Variants in MEGF11 observed in about 807,000 individuals in gnomAD.
MEGF11 encodes multiple epidermal growth factor-like domains protein 11.
In MEGF11, 126 loss-of-function variants were observed where a neutral mutation model predicts 146.6. That is an observed-to-expected ratio of 0.86 (90% CI 0.74 to 1.00). The LOEUF is 1.00. MEGF11 is among the 50% of genes least tolerant of loss of function. The pLI, the probability that MEGF11 is intolerant of heterozygous loss-of-function variation, is 0.00. For synonymous variants in MEGF11, 532 were observed against 583.4 expected, an observed-to-expected ratio of 0.91 and a Z score of 1.27; for missense variants, 1,509 against 1,521.2, an observed-to-expected ratio of 0.99 and a Z score of 0.13.
rs1193655914 is a variant in MEGF11, at chr15:65,909,067, G to A, written c.2965C>T (p.His989Tyr). The A allele has an allele frequency of 6.5e-7, 1 of 1,535,762 alleles. No homozygotes were observed. Among genetic ancestry groups the A allele is most frequent in the South Asian group, 1.2e-5 (1 of 84,054 alleles). Residue 989 changes from histidine to tyrosine, a missense_variant, in exon 23 of 26, where the codon CAC becomes TAC. By Grantham distance (83) the His-to-Tyr change is moderately conservative (BLOSUM62 2). Transcript: ENST00000395614. ...PPEDFYIELRHLSRPAEPHSP... is the reference protein window; with the variant it reads ...PPEDFYIELRYLSRPAEPHSP... ...TGTGGCTCAGCGGGGCGGCTGAGGT[G>A]TCTAAGTTCAATGTAGAAGTCCTCG...
Position 65,898,076 on chromosome 15 carries a change from A to T in MEGF11, c.3281T>A (p.Val1094Asp). Residue 1094 changes from valine (V) to aspartate (D), a missense_variant, in exon 26 of 26, where the codon GTC becomes GAC. By Grantham distance (152) the Val-to-Asp change is radical (BLOSUM62 -3). Coordinates refer to ENST00000395614, the MANE Select transcript of MEGF11 (RefSeq NM_001385028.1). ...GGAGTTATGACCGCAACCTTCTTGG[A>T]CCACACTGACTGTGGGCTCTAAGAA... ...IYEVEPTVSV[V>D]QEGCGHNSSY... 1 of 1,613,730 alleles carries T rather than the reference A, an allele frequency of 6.2e-7. No individual in the cohort carries two copies. The highest frequency in any genetic ancestry group is 8.5e-7 in the Non-Finnish European group (1 of 1,179,748).
At chr15:66,072,634 A>C (rs2085416064) in intron 5 of MEGF11, among the ~76,000 whole-genome samples, 1 of 152,220 alleles carries the variant, frequency 6.6e-6, no homozygotes, top group African/African-American at 2.4e-5. Flanking sequence ...GAATGTAATC[A>C]GTGCTACAAG....
chr15:66,058,825 C>A (rs1475554497), intron 5 of MEGF11, among the ~76,000 whole-genome samples: 3 of 152,134 alleles, frequency 2.0e-5, no homozygotes, highest in Non-Finnish European at 4.4e-5. Flanking sequence ...AGCTGATACA[C>A]TTTGAGATGT....
intron 10 of MEGF11, among the ~76,000 whole-genome samples, chr15:65,942,702 G>T (rs535528202): frequency 2.0e-5 from 3 of 152,044 alleles, no homozygotes; most frequent in Non-Finnish European, 4.4e-5. Flanking sequence ...CTTCCCTGGC[G>T]CTGAGCCCTG....
chr15:66,135,149 GA>G lies in MEGF11; in HGVS notation c.-8-6739del, dbSNP rs556888084. Reference sequence around the variant, plus strand: ...TGGTTGGCCCAAGGTCTGGCACATAGATGGTACCCAATGAACTATTAGTTTC... The same window carrying G: ...TGGTTGGCCCAAGGTCTGGCACATAGTGGTACCCAATGAACTATTAGTTTC... On this transcript the variant is annotated intron_variant, in intron 1 of 25. Transcript: ENST00000395614. Among the ~76,000 whole-genome samples the G allele has an allele frequency of 2.9e-3, 440 of 152,298 alleles. 2 individuals are homozygous for G. The highest frequency in any genetic ancestry group is 1.0e-2 in the African/African-American group (414 of 41,562).
intron 5 of MEGF11, among the ~76,000 whole-genome samples, chr15:65,987,040 G>A (rs1276327220): frequency 6.6e-6 from 1 of 152,062 alleles, no homozygotes; most frequent in East Asian, 1.9e-4. Flanking sequence ...TCGAGGCTGG[G>A]CAACTCACCC....
intron 5 of MEGF11, among the ~76,000 whole-genome samples, chr15:65,995,807 C>G (rs556446393): frequency 3.3e-5 from 5 of 152,262 alleles, no homozygotes; most frequent in African/African-American, 1.2e-4. Context: ...CCACCAGCTG[C>G]CTGGTGGGTT....
chr15:66,196,328 C>T (rs777292529), intron 1 of MEGF11, among the ~76,000 whole-genome samples: 1 of 151,924 alleles, frequency 6.6e-6, no homozygotes, highest in African/African-American at 2.4e-5. Flanking sequence ...AAAAATTAGC[C>T]GGGCATGGTG....
At chr15:65,941,801 C>T (rs745952840) in intron 10 of MEGF11, among the ~76,000 whole-genome samples, 4 of 152,230 alleles carry the variant, frequency 2.6e-5, no homozygotes, top group Non-Finnish European at 2.9e-5. Context: ...GCATGATGGC[C>T]AGCCCCAGGA....
At chr15:66,126,024 G>A (rs1003021965) in intron 2 of MEGF11, among the ~76,000 whole-genome samples, 2 of 152,212 alleles carry the variant, frequency 1.3e-5, no homozygotes, top group African/African-American at 2.4e-5. Context: ...TCATGGCTGG[G>A]TGGCTTAACA....
chr15:65,957,632 T>A lies in MEGF11; in HGVS notation c.1202A>T (p.Asp401Val), dbSNP rs896307750. Residue 401 changes from aspartate (D) to valine (V), a missense_variant, in exon 10 of 26, where the codon GAT becomes GTT. Coordinates refer to ENST00000395614, the MANE Select transcript of MEGF11 (RefSeq NM_001385028.1). ...NESCPVGYYG[D>V]GCQLPCTCQN... ...ACAGGTGCAAGGCAGCTGGCAGCCA[T>A]CGCCATAGTAGCCAACAGGGCAGGA... 1.3e-5 allele frequency: 21 copies of A among 1,613,828 alleles called. No individual in the cohort carries two copies. Among genetic ancestry groups the A allele is most frequent in the Non-Finnish European group, 1.7e-5 (20 of 1,179,898 alleles).
intron 1 of MEGF11, among the ~76,000 whole-genome samples, chr15:66,160,664 G>GACACACACACAC (rs3221608): frequency 8.3e-4 from 114 of 137,604 alleles, no homozygotes; most frequent in African/African-American, 2.2e-3. Flanking sequence ...GCCCTAAGGG[G>GACACACACACAC]ACACACACAC....
intron 13 of MEGF11, among the ~76,000 whole-genome samples, chr15:65,926,477 A>T (rs2141280559): frequency 6.6e-6 from 1 of 152,386 alleles, no homozygotes. Flanking sequence ...CCTATGGCTT[A>T]TGAGGGTTAA....
intron 3 of MEGF11, among the ~76,000 whole-genome samples, chr15:66,123,322 A>G (rs191648582): frequency 2.3e-3 from 344 of 152,160 alleles, no homozygotes; most frequent in African/African-American, 8.0e-3. Context: ...TCTAGCCTGC[A>G]CTCTGTTCTT....
At chr15:65,948,425 C>G (rs555519350) in intron 10 of MEGF11, among the ~76,000 whole-genome samples, 1 of 152,262 alleles carries the variant, frequency 6.6e-6, no homozygotes, top group African/African-American at 2.4e-5. Flanking sequence ...CTGCATCTCG[C>G]TCAGTGCGCA....
intron 1 of MEGF11, among the ~76,000 whole-genome samples, chr15:66,204,091 A>AGT (rs1567282813): frequency 6.7e-6 from 1 of 150,086 alleles, no homozygotes; most frequent in Non-Finnish European, 1.5e-5. Flanking sequence ...AAAGGGGGAA[A>AGT]AAAAAAAAGG....
At chr15:66,118,956 T>C in intron 4 of MEGF11, 130 bp downstream of exon 4, 1 of 639,126 alleles carries the variant, frequency 1.6e-6, no homozygotes, top group Admixed American at 2.7e-5. Flanking sequence ...AGGCAGGGAC[T>C]TCTGGAGCCA....
At chr15:66,072,210 CCT>C (rs1344777067) in intron 5 of MEGF11, among the ~76,000 whole-genome samples, 1 of 152,156 alleles carries the variant, frequency 6.6e-6, no homozygotes, top group East Asian at 1.9e-4. Flanking sequence ...GCAATTGTCC[CCT>C]GAGTGTAAAA....
At chr15:65,899,290 A>G (rs2078433501) in intron 24 of MEGF11, among the ~76,000 whole-genome samples, 1 of 152,218 alleles carries the variant, frequency 6.6e-6, no homozygotes, top group Non-Finnish European at 1.5e-5. Flanking sequence ...ATATGAAGTG[A>G]CTTAGCTAAA....
Sources: allele counts gnomAD v4.1 joint callset (sites outside exome capture counted in the v4.1 genomes callset), GRCh38; gene constraint gnomAD v4.1.1; transcripts MANE v1.5; gene names NCBI Gene and HGNC (gene_info 2026-07-23, HGNC 2026-07-21).